Variants in CDHR1 observed in about 807,000 individuals in gnomAD.
CDHR1 encodes the protein cadherin related family member 1.
A neutral mutation model predicts 72.1 loss-of-function variants in CDHR1; 61 were observed. The observed-to-expected ratio is 0.85, with a 90% CI of 0.69 to 1.05. The LOEUF is 1.05. Among genes scored for constraint, CDHR1 ranks in the 50% least tolerant of loss-of-function variants. The probability of loss-of-function intolerance (pLI) is 0.00; values close to 1 mark genes in which losing one functional copy is unlikely to be tolerated. For synonymous variants in CDHR1, 470 were observed against 448.1 expected (o/e 1.05, Z -0.62); for missense variants, 1,186 against 1,115.7 (o/e 1.06, Z -0.90).
Position 84,213,298 on chromosome 10 carries a change from C to G in CDHR1, c.1990C>G (p.Pro664Ala), listed in dbSNP as rs1159878390. 39 of 1,614,224 alleles carry G rather than the reference C, an allele frequency of 2.4e-5. No homozygotes were observed. The highest frequency in any genetic ancestry group is 3.2e-5 in the Non-Finnish European group (38 of 1,180,048). ...LEVQAKDRGSPSFSTTALLKI... is the reference protein window; with the variant it reads ...LEVQAKDRGSASFSTTALLKI... Reference sequence around the variant, plus strand: ...GGTGCAGGCCAAGGACCGGGGCTCCCCATCCTTCAGCACCACAGCCTTACT... The same window carrying G: ...GGTGCAGGCCAAGGACCGGGGCTCCGCATCCTTCAGCACCACAGCCTTACT... The change falls in exon 16 of 17, where the codon CCA (proline) becomes GCA (alanine). Residue 664 changes from proline to alanine, a missense_variant. Coordinates refer to ENST00000623527, the MANE Select transcript of CDHR1 (RefSeq NM_033100.4).
At chr10:84,211,775 G>A (rs1463062270) in intron 14 of CDHR1, 60 bp downstream of exon 14, 5 of 1,449,240 alleles carry the variant, frequency 3.5e-6, no homozygotes, top group Non-Finnish European at 4.9e-6. Flanking sequence ...GGCTGAGGGT[G>A]GAGGAGGTCT....
intron 6 of CDHR1, among the ~76,000 whole-genome samples, chr10:84,200,913 A>C (rs1842113513): frequency 6.6e-6 from 1 of 152,066 alleles, no homozygotes; most frequent in Admixed American, 6.5e-5. Flanking sequence ...CCCTCTTCCA[A>C]CGTCCCCAGG....
intron 9 of CDHR1, chr10:84,205,603 G>C: frequency 1.7e-6 from 1 of 603,322 alleles, no homozygotes; most frequent in Non-Finnish European, 3.0e-6. Flanking sequence ...ATGGAATGTG[G>C]GAGCTGGACA....
At chr10:84,209,895 T>C (rs766202140) in intron 12 of CDHR1, among the ~76,000 whole-genome samples, 1 of 152,222 alleles carries the variant, frequency 6.6e-6, no homozygotes, top group African/African-American at 2.4e-5. Flanking sequence ...AAGGCATACC[T>C]TGTTTAAAAA....
chr10:84,212,152 C>A (rs755206880), intron 14 of CDHR1, 27 bp from the exon 15 acceptor site: 18 of 1,578,234 alleles, frequency 1.1e-5, no homozygotes, highest in Non-Finnish European at 1.6e-5. Flanking sequence ...TGCGTGCACA[C>A]CCATGCCTAT....
chr10:84,211,055 G>T lies in CDHR1; in HGVS notation c.1375G>T (p.Val459Leu), dbSNP rs1315239927. 6.2e-7 allele frequency: 1 copy of T among 1,614,172 alleles called. No homozygotes were observed. Among genetic ancestry groups the T allele is most frequent in the Admixed American group, 1.7e-5 (1 of 60,020 alleles). Reference protein sequence around the residue: ...PEKFSSTADVVIQLLDTNDNV... With the variant: ...PEKFSSTADVLIQLLDTNDNV... ...GAAGTTCAGTTCCACAGCGGATGTTGTGATCCAGCTCCTGGACACCAATGA... is the reference window on the plus strand; with the variant it reads ...GAAGTTCAGTTCCACAGCGGATGTTTTGATCCAGCTCCTGGACACCAATGA... The change falls in exon 13 of 17, where the codon GTG becomes TTG. Residue 459 changes from valine to leucine, a missense_variant. Transcript: ENST00000623527.
chr10:84,194,825 C>T lies in CDHR1; in HGVS notation c.55+10C>T, dbSNP rs1841998091. The T allele has an allele frequency of 6.5e-7, 1 of 1,532,868 alleles. No individual in the cohort carries two copies. The highest frequency in any genetic ancestry group is 8.7e-7 in the Non-Finnish European group (1 of 1,145,762). 95.0% of individuals were successfully genotyped at this position (1,532,868 alleles called of 1,614,324 possible). ...CTGCGCCTCTGCTTGGGTGAGTGGC[C>T]GCTGGGCCGCGCTGGCCGCGTGGAT... On this transcript the variant is annotated intron_variant, in intron 1 of 16. Coordinates refer to ENST00000623527, the MANE Select transcript of CDHR1 (RefSeq NM_033100.4).
In CDHR1 at chr10:84,208,429, G is replaced by C. The variant is rs747618911; in HGVS notation, c.1167+52G>C. 7 of 1,591,072 alleles carry C rather than the reference G, an allele frequency of 4.4e-6. 1 individual carries two copies. The highest frequency in any genetic ancestry group is 1.1e-5 in the South Asian group (1 of 89,768). On this transcript the variant is annotated intron_variant, in intron 11 of 16. Transcript: ENST00000623527. Reference sequence around the variant, plus strand: ...CTTCTCACAAACGGTATGAAGCCAAGGTCCCAAAGCTAAGTGGGTCTGCAT... The same window carrying C: ...CTTCTCACAAACGGTATGAAGCCAACGTCCCAAAGCTAAGTGGGTCTGCAT...
chr10:84,219,339 T>A, downstream of CDHR1: 1 of 1,537,822 alleles, frequency 6.5e-7, no homozygotes, highest in South Asian at 1.2e-5. Flanking sequence ...TTTCTATGTT[T>A]ACAGAAGCAA....
chr10:84,209,013 C>A (rs1027122079), intron 12 of CDHR1, 132 bp downstream of exon 12: 8 of 1,006,054 alleles, frequency 8.0e-6, no homozygotes, highest in Middle Eastern at 2.9e-4. Flanking sequence ...TTCTCCAGCC[C>A]TCTGCCCCTC....
chr10:84,218,318 G>T lies in CDHR1; in HGVS notation c.*3697G>T. ...TGATCAATAAAGCAGAGTAGCAACA[G>T]GCTGATGTTGGGGACATCGGTTTGA... On this transcript the variant is annotated 3_prime_UTR_variant, in exon 17 of 17. Coordinates refer to ENST00000623527, the MANE Select transcript of CDHR1 (RefSeq NM_033100.4). 1.0e-6 allele frequency: 1 copy of T among 985,442 alleles called. No homozygotes were observed. Among genetic ancestry groups the T allele is most frequent in the South Asian group, 4.7e-5 (1 of 21,286 alleles). The allele number at this position is 985,442 out of a possible 1,614,324, so 61.0% of individuals were successfully genotyped here.
rs1314136362 is a variant in CDHR1 at position 84,216,908 on chromosome 10, T to C, written c.*2287T>C. 1 of 985,388 alleles carries C rather than the reference T, an allele frequency of 1.0e-6. No individual in the cohort carries two copies. Among genetic ancestry groups the C allele is most frequent in the African/African-American group, 1.7e-5 (1 of 57,238 alleles). The allele number at this position is 985,388 out of a possible 1,614,324, so 61.0% of individuals were successfully genotyped here. A position where few individuals can be genotyped will look rare whatever the true frequency, so the allele number is the denominator to read the frequency against. ...TGAAAGCTTGGGAAGCACTGTCGTC[T>C]CTCAGACAGGCGTCCTAAAGACCTC... On this transcript the variant is annotated 3_prime_UTR_variant, in exon 17 of 17. Coordinates refer to ENST00000623527, the MANE Select transcript of CDHR1 (RefSeq NM_033100.4).
chr10:84,200,479 A>T, intron 5 of CDHR1, 122 bp from the exon 6 acceptor site: 1 of 731,742 alleles, frequency 1.4e-6, no homozygotes, highest in Non-Finnish European at 2.5e-6. Flanking sequence ...TTTTATCCTC[A>T]ATTGTTCACC....
chr10:84,219,217 A>C (rs1842472719), downstream of CDHR1: 2 of 1,550,930 alleles, frequency 1.3e-6, no homozygotes, highest in East Asian at 4.9e-5. Context: ...TGCCTTATTC[A>C]ATCTGAGTAA....
intron 3 of CDHR1, 123 bp downstream of exon 3, chr10:84,196,773 C>T: frequency 3.6e-6 from 4 of 1,115,216 alleles, no homozygotes; most frequent in Non-Finnish European, 5.4e-6. Flanking sequence ...GGGGGCACAC[C>T]CCAGGCACAT....
chr10:84,195,661 C>A (rs1248472279), intron 2 of CDHR1, 72 bp downstream of exon 2: 6 of 1,341,068 alleles, frequency 4.5e-6, no homozygotes, highest in Non-Finnish European at 6.4e-6. Context: ...CACAAAGTGC[C>A]CCAGGCACCA....
At chr10:84,197,964 G>T in intron 4 of CDHR1, 128 bp downstream of exon 4, 1 of 878,474 alleles carries the variant, frequency 1.1e-6, no homozygotes, top group South Asian at 1.4e-5. Flanking sequence ...GGCCCAGCAA[G>T]ACCTGCCCAA....
chr10:84,214,263 G>A lies in CDHR1; in HGVS notation c.2222G>A (p.Arg741His), dbSNP rs925818525. The A allele has an allele frequency of 6.2e-6, 10 of 1,613,442 alleles. No individual in the cohort carries two copies. The highest frequency in any genetic ancestry group is 3.3e-5 in the Admixed American group (2 of 60,026). The change falls in exon 17 of 17, where the codon CGC becomes CAC. Residue 741 changes from arginine (R) to histidine (H), a missense_variant. By Grantham distance (29) the Arg-to-His change is conservative (BLOSUM62 0). Coordinates refer to ENST00000623527, the MANE Select transcript of CDHR1 (RefSeq NM_033100.4). ...GTCCTGCCAATGCGGCGGGTGCTCC[G>A]CAAGCGGCCCAGCCCTGCGCCCCGC... ...NKVLPMRRVL[R>H]KRPSPAPRTI...
Position 84,203,014 on chromosome 10 carries a change from T to G in CDHR1, c.674T>G (p.Val225Gly). The G allele has an allele frequency of 6.2e-7, 1 of 1,614,172 alleles. No individual in the cohort carries two copies. Among genetic ancestry groups the G allele is most frequent in the Non-Finnish European group, 8.5e-7 (1 of 1,180,018 alleles). ...GGGAGGCTTCATGGGGCTGATGTGG[T>G]GTTCTCAGCCACCACCACGGTCACG... is the stretch of plus-strand genomic sequence containing the variant. ...GGGRLHGADV[V>G]FSATTTVTVN... Residue 225 changes from valine (V) to glycine (G), a missense_variant, in exon 8 of 17, where the codon GTG (valine) becomes GGG (glycine). Val to Gly is a moderately radical substitution (Grantham distance 109). Coordinates refer to ENST00000623527, the MANE Select transcript of CDHR1 (RefSeq NM_033100.4).
Sources: allele counts gnomAD v4.1 joint callset (sites outside exome capture counted in the v4.1 genomes callset), GRCh38; gene constraint gnomAD v4.1.1; transcripts MANE v1.5; gene names NCBI Gene and HGNC (gene_info 2026-07-23, HGNC 2026-07-21).